Variants in SPIDR observed in about 807,000 individuals in gnomAD.
SPIDR encodes the protein scaffold protein involved in DNA repair.
In SPIDR, 93 loss-of-function variants were observed where a neutral mutation model predicts 104.6. That is an observed-to-expected ratio of 0.89 (90% CI 0.75 to 1.06). The LOEUF is 1.06. Among genes scored for constraint, SPIDR ranks in the 50% least tolerant of loss-of-function variants. The pLI is 0.00. For synonymous variants in SPIDR, 431 were observed against 416.9 expected (o/e 1.03, Z -0.41); for missense variants, 1,154 against 1,111.2 (o/e 1.04, Z -0.55).
chr8:47,625,344 T>C (rs917077778), intron 10 of SPIDR, among the ~76,000 whole-genome samples: 82 of 152,302 alleles, frequency 5.4e-4, no homozygotes, highest in African/African-American at 1.8e-3. Flanking sequence ...GGATGCCCTC[T>C]CTCACCACTC....
intron 8 of SPIDR, chr8:47,592,090 G>C (rs1315455451): frequency 8.0e-7 from 1 of 1,248,674 alleles, no homozygotes; most frequent in African/African-American, 1.5e-5. Context: ...AAACAAAAAG[G>C]AGGAAGTCTT....
chr8:47,642,437 AAG>A (rs960076488), intron 10 of SPIDR, among the ~76,000 whole-genome samples: 69 of 151,856 alleles, frequency 4.5e-4, no homozygotes, highest in African/African-American at 1.5e-3. Flanking sequence ...AAAAAAGAAA[AAG>A]AATTCGACAT....
chr8:47,357,859 G>A, intron 5 of SPIDR: 2 of 984,966 alleles, frequency 2.0e-6, no homozygotes, highest in South Asian at 9.4e-5. Context: ...TAGTGTTTAA[G>A]GCCACATGAA....
At chr8:47,609,811 T>G (rs184696077) in intron 10 of SPIDR, among the ~76,000 whole-genome samples, 2 of 152,216 alleles carry the variant, frequency 1.3e-5, no homozygotes, top group Non-Finnish European at 2.9e-5. Flanking sequence ...TGAATAACTT[T>G]CTTGGTGAAC....
intron 8 of SPIDR, among the ~76,000 whole-genome samples, chr8:47,444,788 A>G (rs2154345554): frequency 6.6e-6 from 1 of 152,330 alleles, no homozygotes; most frequent in South Asian, 2.1e-4. Flanking sequence ...AGCTGCTGCC[A>G]GTTTCTCATC....
intron 10 of SPIDR, among the ~76,000 whole-genome samples, chr8:47,625,635 C>T (rs1316138074): frequency 1.3e-5 from 2 of 152,058 alleles, no homozygotes; most frequent in Non-Finnish European, 2.9e-5. Context: ...CTCCCATTCA[C>T]AATTGCTTCA....
At chr8:47,629,358 G>T (rs1371223431) in intron 10 of SPIDR, among the ~76,000 whole-genome samples, 1 of 152,136 alleles carries the variant, frequency 6.6e-6, no homozygotes, top group Non-Finnish European at 1.5e-5. Context: ...TTTAGGCTTG[G>T]CGGGCCATAC....
chr8:47,322,958 G>A (rs2046999215), intron 5 of SPIDR, among the ~76,000 whole-genome samples: 1 of 152,048 alleles, frequency 6.6e-6, no homozygotes, highest in Admixed American at 6.6e-5. Flanking sequence ...GCAGGGTGGA[G>A]GGATAGCATT....
intron 10 of SPIDR, among the ~76,000 whole-genome samples, chr8:47,670,060 G>A (rs2075590670): frequency 6.6e-6 from 1 of 152,020 alleles, no homozygotes; most frequent in African/African-American, 2.4e-5. Flanking sequence ...GTATCAGTAG[G>A]AGATGACCAG....
chr8:47,691,309 A>AG (rs1485857089), intron 11 of SPIDR, among the ~76,000 whole-genome samples: 1 of 151,002 alleles, frequency 6.6e-6, no homozygotes, highest in African/African-American at 2.4e-5. Flanking sequence ...AAAAAAAAAA[A>AG]AGAGAGAAAA....
At chr8:47,277,729 A>G (rs2036827777) in intron 1 of SPIDR, among the ~76,000 whole-genome samples, 1 of 142,912 alleles carries the variant, frequency 7.0e-6, no homozygotes, top group African/African-American at 2.7e-5. Context: ...GCTGGAGTGC[A>G]AGTGGCTCAA....
intron 8 of SPIDR, among the ~76,000 whole-genome samples, chr8:47,539,545 T>C (rs2087683136): frequency 6.6e-6 from 1 of 152,216 alleles, no homozygotes; most frequent in African/African-American, 2.4e-5. Context: ...TTGAACACTT[T>C]TTCAAGCATT....
intron 8 of SPIDR, among the ~76,000 whole-genome samples, chr8:47,578,718 C>A (rs1028485955): frequency 2.0e-5 from 3 of 152,282 alleles, no homozygotes; most frequent in African/African-American, 7.2e-5. Flanking sequence ...CTATATTGTT[C>A]ACTTTCATAC....
intron 8 of SPIDR, among the ~76,000 whole-genome samples, chr8:47,555,266 T>C (rs1386904484): frequency 6.6e-6 from 1 of 152,168 alleles, no homozygotes; most frequent in Non-Finnish European, 1.5e-5. Context: ...TTCTATAAAA[T>C]AACAATTCCA....
chr8:47,667,105 AC>A (rs1233064685), intron 10 of SPIDR, among the ~76,000 whole-genome samples: 1 of 152,000 alleles, frequency 6.6e-6, no homozygotes, highest in Non-Finnish European at 1.5e-5. Flanking sequence ...ACATGGTGAA[AC>A]CCCGTCTCTA....
chr8:47,544,142 T>C (rs2088802805), intron 8 of SPIDR, among the ~76,000 whole-genome samples: 1 of 152,166 alleles, frequency 6.6e-6, no homozygotes, highest in African/African-American at 2.4e-5. Flanking sequence ...TTATTTTGCA[T>C]GCTAATGGCA....
chr8:47,693,489 G>A (rs934681658), intron 11 of SPIDR, among the ~76,000 whole-genome samples: 6 of 152,186 alleles, frequency 3.9e-5, no homozygotes, highest in Admixed American at 1.3e-4. Flanking sequence ...AGTACTGGCC[G>A]GTGGGATTGA....
chr8:47,690,192 G>T (rs2078438185), intron 11 of SPIDR, among the ~76,000 whole-genome samples: 1 of 152,104 alleles, frequency 6.6e-6, no homozygotes, highest in Non-Finnish European at 1.5e-5. Context: ...CACCAGGACA[G>T]AAGAGAGAAC....
At chr8:47,712,942 C>G in intron 15 of SPIDR, 70 bp downstream of exon 15, 1 of 1,588,466 alleles carries the variant, frequency 6.3e-7, no homozygotes, top group Non-Finnish European at 8.6e-7. Flanking sequence ...CTCTTGTGGC[C>G]TCTGGATGCC....
Sources: allele counts gnomAD v4.1 joint callset (sites outside exome capture counted in the v4.1 genomes callset), GRCh38; gene constraint gnomAD v4.1.1; transcripts MANE v1.5; gene names NCBI Gene and HGNC (gene_info 2026-07-23, HGNC 2026-07-21).